BICDL1: variants seen among roughly 807,000 people sequenced by gnomAD.
BICDL1 encodes the protein BICD family-like cargo adapter 1.
A neutral mutation model predicts 76.8 loss-of-function variants in BICDL1; 20 were observed. That is an observed-to-expected ratio of 0.26 (90% CI 0.18 to 0.38). BICDL1 has a LOEUF of 0.38. Ranked by LOEUF, BICDL1 falls within the 10% of genes least tolerant of loss-of-function variation. The pLI is 1.00. For missense variants in BICDL1, 700 were observed against 798.6 expected (o/e 0.88, Z 1.49); for synonymous variants, 383 against 337.1 (o/e 1.14, Z -1.49).
intron 9 of BICDL1, chr12:120,092,128 T>C (rs1875025452): frequency 2.0e-6 from 2 of 985,336 alleles, no homozygotes; most frequent in Non-Finnish European, 2.4e-6. Context: ...CAAACTTTGT[T>C]AGTGGCAGAA....
At chr12:120,075,956 C>T (rs1013114379) in intron 7 of BICDL1, among the ~76,000 whole-genome samples, 2 of 152,162 alleles carry the variant, frequency 1.3e-5, no homozygotes, top group African/African-American at 4.8e-5. Flanking sequence ...ATCGGCAGTT[C>T]GAGACCAGCC....
intron 2 of BICDL1, among the ~76,000 whole-genome samples, chr12:120,012,423 G>A (rs1213080075): frequency 6.6e-6 from 1 of 152,166 alleles, no homozygotes; most frequent in Non-Finnish European, 1.5e-5. Flanking sequence ...CTGCATGTTT[G>A]TCATTTGCAG....
At position 120,035,669 on chromosome 12, in the gene BICDL1, A is replaced by C. The variant is rs184162446; in HGVS notation, c.646-26041A>C. On this transcript the variant is annotated intron_variant, in intron 2 of 9. Transcript: ENST00000548673. ...TTTTTAAAGAATTTTTTTTCAAAAA[A>C]CCATGCTCTATACAGAGTATAAAAC... is the stretch of plus-strand genomic sequence containing the variant. 3.9e-5 allele frequency among the ~76,000 whole-genome samples: 6 copies of C among 152,304 alleles called. No individual in the cohort carries two copies. In the East Asian group the frequency reaches 1.2e-3, roughly 29 times the overall value.
chr12:120,075,399 T>C (rs960178434), intron 7 of BICDL1, among the ~76,000 whole-genome samples: 1 of 152,068 alleles, frequency 6.6e-6, no homozygotes, highest in Non-Finnish European at 1.5e-5. Context: ...TTTTTTTTTT[T>C]TTTTATTTCT....
chr12:120,037,322 C>T (rs551512251), intron 2 of BICDL1, among the ~76,000 whole-genome samples: 12 of 152,176 alleles, frequency 7.9e-5, no homozygotes, highest in Non-Finnish European at 1.5e-4. Context: ...TGAGGAGACA[C>T]GTTATTTGGA....
chr12:120,052,177 C>T (rs1041575898), intron 2 of BICDL1, among the ~76,000 whole-genome samples: 2 of 151,906 alleles, frequency 1.3e-5, no homozygotes, highest in Non-Finnish European at 2.9e-5. Context: ...CTCCTGACCT[C>T]GTGATCTGCC....
chr12:120,057,006 C>G (rs924913512), intron 2 of BICDL1: 1 of 495,824 alleles, frequency 2.0e-6, no homozygotes, highest in Non-Finnish European at 4.0e-6. Flanking sequence ...GTGGTCCTCT[C>G]GCCCACGCAG....
intron 2 of BICDL1, among the ~76,000 whole-genome samples, chr12:120,038,963 C>G (rs1458775371): frequency 6.6e-6 from 1 of 152,062 alleles, no homozygotes; most frequent in Admixed American, 6.6e-5. Context: ...TCATTAGATT[C>G]TTAAAATACA....
intron 8 of BICDL1, among the ~76,000 whole-genome samples, chr12:120,088,401 G>C (rs1320004006): frequency 6.6e-6 from 1 of 152,076 alleles, no homozygotes; most frequent in Non-Finnish European, 1.5e-5. Context: ...CTATTGCCCA[G>C]GCTGGAGTGC....
chr12:119,991,843 A>G (rs1267410125), intron 1 of BICDL1, among the ~76,000 whole-genome samples: 1 of 152,204 alleles, frequency 6.6e-6, no homozygotes, highest in African/African-American at 2.4e-5. Flanking sequence ...TTTCTTCAAC[A>G]TAGGGCAAAG....
At position 120,070,968 on chromosome 12, in the gene BICDL1, G is replaced by C. The variant is rs141472425; in HGVS notation, c.910-654G>C. Among the ~76,000 whole-genome samples the C allele has an allele frequency of 7.0e-4, 106 of 152,100 alleles. 1 individual carries two copies. The highest frequency in any genetic ancestry group is 2.5e-3 in the African/African-American group (102 of 41,504). On this transcript the variant is annotated intron_variant, in intron 4 of 9. Coordinates refer to ENST00000548673, the MANE Select transcript of BICDL1 (RefSeq NM_001367886.1). ...TGGTCTCGAACTCCTGATTTCAGAT[G>C]ATCTGCCCCCTTTGGCCTTCCAAAA... is the stretch of plus-strand genomic sequence containing the variant.
Position 120,061,691 on chromosome 12 carries a change from C to A in BICDL1, c.646-19C>A. 2 of 1,541,010 alleles carry A rather than the reference C, an allele frequency of 1.3e-6. No homozygotes were observed. Among genetic ancestry groups the A allele is most frequent in the Non-Finnish European group, 1.8e-6 (2 of 1,113,100 alleles). Reference sequence around the variant, plus strand: ...TTGCATAACCTCCGAATCAGCTCTGCAGGTCTCCTCTGTTTCAGGCATCAG... The same window carrying A: ...TTGCATAACCTCCGAATCAGCTCTGAAGGTCTCCTCTGTTTCAGGCATCAG... On this transcript the variant is annotated intron_variant, in intron 2 of 9. Transcript: ENST00000548673.
chr12:120,061,669 C>A, intron 2 of BICDL1, 41 bp from the exon 3 acceptor site: 1 of 1,376,590 alleles, frequency 7.3e-7, no homozygotes, highest in Non-Finnish European at 1.0e-6. Context: ...AGTTCCTTTG[C>A]ATAACCTCCG....
In BICDL1 at chr12:119,989,626, A is replaced by C. The variant is rs1594077085; in HGVS notation, c.-243A>C. 6.7e-5 allele frequency among the ~76,000 whole-genome samples: 9 copies of C among 134,450 alleles called. No homozygotes were observed. The highest frequency in any genetic ancestry group is 1.1e-4 in the African/African-American group (4 of 36,028). The allele number at this position is 134,450 out of a possible 152,430, so 88.2% of individuals were successfully genotyped here. A position where few individuals can be genotyped will look rare whatever the true frequency, so the allele number is the denominator to read the frequency against. ...CACCACCTACTCCGCCACTACCCCC[A>C]CCCCCTCCTCCCGCGCGCGCCTGAG... On this transcript the variant is annotated 5_prime_UTR_variant, in exon 1 of 10. Coordinates refer to ENST00000548673, the MANE Select transcript of BICDL1 (RefSeq NM_001367886.1).
intron 2 of BICDL1, among the ~76,000 whole-genome samples, chr12:120,016,371 T>TA (rs1354246622): frequency 6.6e-6 from 1 of 152,088 alleles, no homozygotes; most frequent in Non-Finnish European, 1.5e-5. Flanking sequence ...TCTTTGGACT[T>TA]ACACTTTCAT....
intron 2 of BICDL1, chr12:119,999,870 C>G: frequency 4.9e-6 from 2 of 408,040 alleles, no homozygotes; most frequent in Non-Finnish European, 9.5e-6. Flanking sequence ...GATATCATCC[C>G]TCAGCACTGA....
At chr12:120,009,378 T>G (rs954030333) in intron 2 of BICDL1, among the ~76,000 whole-genome samples, 5 of 152,216 alleles carry the variant, frequency 3.3e-5, no homozygotes, top group Admixed American at 1.3e-4. Flanking sequence ...GTTCTGGTTT[T>G]CTTTTTCCAA....
At position 120,071,432 on chromosome 12, in the gene BICDL1, G is replaced by A. The variant is rs1169058812; in HGVS notation, c.910-190G>A. On this transcript the variant is annotated intron_variant, in intron 4 of 9. Transcript: ENST00000548673. The surrounding 1 kb of genome is among the most constrained non-coding windows in gnomAD (Gnocchi z 4.8). Reference sequence around the variant, plus strand: ...GCTGGGATTACAGGGGTGAGCCACCGCGCCCAGTCAGAATTTTCTAGATCT... The same window carrying A: ...GCTGGGATTACAGGGGTGAGCCACCACGCCCAGTCAGAATTTTCTAGATCT... Among the ~76,000 whole-genome samples the A allele has an allele frequency of 5.9e-5, 9 of 152,082 alleles. No homozygotes were observed. Among genetic ancestry groups the A allele is most frequent in the Admixed American group, 1.3e-4 (2 of 15,256 alleles).
intron 2 of BICDL1, among the ~76,000 whole-genome samples, chr12:120,026,836 G>A (rs1952313534): frequency 6.6e-6 from 1 of 152,100 alleles, no homozygotes; most frequent in African/African-American, 2.4e-5. Flanking sequence ...TTACTGTGAG[G>A]TCTCAGTGCT....
Sources: allele counts gnomAD v4.1 joint callset (sites outside exome capture counted in the v4.1 genomes callset), GRCh38; gene constraint gnomAD v4.1.1; non-coding constraint Gnocchi (gnomAD v3.1); transcripts MANE v1.5; gene names NCBI Gene and HGNC (gene_info 2026-07-23, HGNC 2026-07-21).